The following NLGN1 variants were observed in gnomAD, a reference collection of about 807,000 sequenced individuals.
NLGN1 encodes neuroligin-1.
Under a neutral mutation model 65.5 loss-of-function variants are expected in NLGN1, and 12 were observed. The ratio of observed to expected loss-of-function variants is 0.18; its 90% CI spans 0.12 to 0.30. The LOEUF (loss-of-function observed/expected upper bound fraction) is 0.30. Ranked by LOEUF, NLGN1 falls within the 10% of genes least tolerant of loss-of-function variation. NLGN1 has a pLI of 1.00. For missense variants in NLGN1, 750 were observed against 1,007.1 expected (o/e 0.74, Z 3.46); for synonymous variants, 350 against 359.5 (o/e 0.97, Z 0.30).
intron 2 of NLGN1, among the ~76,000 whole-genome samples, chr3:173,503,596 G>A (rs1731522093): frequency 6.6e-6 from 1 of 151,928 alleles, no homozygotes; most frequent in Non-Finnish European, 1.5e-5. Context: ...TTAAAAGATT[G>A]TTGATAAATT....
At chr3:173,556,811 G>A (rs55749301) in intron 2 of NLGN1, among the ~76,000 whole-genome samples, 85,295 of 151,300 alleles carry the variant, frequency 0.56, 23,928 homozygotes, top group East Asian at 0.8. Context: ...CTCAAAAAAA[G>A]GAAAAATTGC....
rs73050430 is a variant in NLGN1 at position 173,744,297 on chromosome 3, T to A, written c.494-63383T>A. On this transcript the variant is annotated intron_variant, in intron 3 of 6. Transcript: ENST00000457714. ...TCAAAAAGTGTTTTTCTTCCCTTCC[T>A]TTTCTTCCTCTTCCTTTACACAACA... is the stretch of plus-strand genomic sequence containing the variant. Among the ~76,000 whole-genome samples the A allele has an allele frequency of 6.8e-3, 1,031 of 152,244 alleles. 9 individuals are homozygous for A. The highest frequency in any genetic ancestry group is 0.021 in the African/African-American group (878 of 41,556).
At chr3:173,790,851 C>T (rs1164834945) in intron 3 of NLGN1, among the ~76,000 whole-genome samples, 1 of 152,024 alleles carries the variant, frequency 6.6e-6, no homozygotes, top group Non-Finnish European at 1.5e-5. Flanking sequence ...GCATTGTCTC[C>T]TGAGATGCTG....
intron 4 of NLGN1, among the ~76,000 whole-genome samples, chr3:174,082,747 G>T (rs1298309492): frequency 6.6e-6 from 1 of 151,802 alleles, no homozygotes; most frequent in Non-Finnish European, 1.5e-5. Flanking sequence ...TGAAACAGAG[G>T]TTCATTCTTG....
At chr3:173,503,812 T>C (rs1731553495) in intron 2 of NLGN1, among the ~76,000 whole-genome samples, 1 of 152,090 alleles carries the variant, frequency 6.6e-6, no homozygotes. Flanking sequence ...GTAAATCTGA[T>C]ACTTGATGGT....
At chr3:173,602,922 A>G (rs1165166029) in intron 2 of NLGN1, among the ~76,000 whole-genome samples, 1 of 152,098 alleles carries the variant, frequency 6.6e-6, no homozygotes, top group Non-Finnish European at 1.5e-5. Context: ...TTGTATATTA[A>G]TGTGCTTTCA....
chr3:173,652,744 G>A (rs1182890436), intron 3 of NLGN1, among the ~76,000 whole-genome samples: 2 of 151,974 alleles, frequency 1.3e-5, no homozygotes, highest in Middle Eastern at 3.2e-3. Context: ...TTTTGGTTCC[G>A]TATACATTTT....
chr3:173,620,185 T>C (rs1753760183), intron 3 of NLGN1, among the ~76,000 whole-genome samples: 1 of 152,142 alleles, frequency 6.6e-6, no homozygotes, highest in Non-Finnish European at 1.5e-5. Context: ...CGATAGGGAA[T>C]AACTAGAAGT....
At chr3:173,414,099 G>A (rs558208862) in intron 1 of NLGN1, among the ~76,000 whole-genome samples, 1 of 152,214 alleles carries the variant, frequency 6.6e-6, no homozygotes, top group East Asian at 1.9e-4. Flanking sequence ...TGAACATATG[G>A]GAACAGGAGT....
At chr3:173,728,621 G>A (rs750338174) in intron 3 of NLGN1, among the ~76,000 whole-genome samples, 6 of 152,050 alleles carry the variant, frequency 3.9e-5, no homozygotes, top group Non-Finnish European at 7.4e-5. Flanking sequence ...CTTGATTAGA[G>A]TGGGCCCTAA....
At chr3:174,066,212 T>G (rs1738512588) in intron 4 of NLGN1, among the ~76,000 whole-genome samples, 1 of 152,112 alleles carries the variant, frequency 6.6e-6, no homozygotes, top group Admixed American at 6.6e-5. Context: ...CTAATACAAA[T>G]TTTCAGAGGA....
intron 4 of NLGN1, among the ~76,000 whole-genome samples, chr3:174,078,118 G>C (rs1158056410): frequency 6.6e-6 from 1 of 152,024 alleles, no homozygotes; most frequent in Non-Finnish European, 1.5e-5. Context: ...CATACTATAT[G>C]ATGTCTCTAT....
At chr3:173,487,198 C>G (rs1306835874) in intron 2 of NLGN1, among the ~76,000 whole-genome samples, 1 of 152,032 alleles carries the variant, frequency 6.6e-6, no homozygotes. Context: ...TCCCACAAAA[C>G]ATATATGGTG....
chr3:173,594,038 G>A (rs982533033), intron 2 of NLGN1, among the ~76,000 whole-genome samples: 1 of 152,172 alleles, frequency 6.6e-6, no homozygotes, highest in Non-Finnish European at 1.5e-5. Context: ...CAGGATGAGA[G>A]TTGGGTGGGG....
intron 4 of NLGN1, chr3:173,920,594 T>G (rs2152261184): frequency 6.6e-6 from 1 of 152,314 alleles, no homozygotes; most frequent in South Asian, 2.1e-4. Flanking sequence ...GTCATCAGAC[T>G]TGCTGTTAAC....
intron 4 of NLGN1, among the ~76,000 whole-genome samples, chr3:174,240,020 T>C (rs1220714291): frequency 6.6e-6 from 1 of 152,160 alleles, no homozygotes. Context: ...GAATGTATAC[T>C]ACATTAACTC....
chr3:174,084,727 G>A (rs924029861), intron 4 of NLGN1, among the ~76,000 whole-genome samples: 9 of 152,108 alleles, frequency 5.9e-5, no homozygotes, highest in Admixed American at 3.3e-4. Context: ...AATTCTTCCT[G>A]TAATCTTTGT....
chr3:173,689,676 G>A (rs1016012254), intron 3 of NLGN1, among the ~76,000 whole-genome samples: 6 of 152,074 alleles, frequency 3.9e-5, no homozygotes, highest in African/African-American at 1.4e-4. Flanking sequence ...ATTACAAGCT[G>A]AATTTTATCT....
chr3:173,438,265 G>A (rs1718512737), intron 2 of NLGN1, among the ~76,000 whole-genome samples: 1 of 151,882 alleles, frequency 6.6e-6, no homozygotes, highest in Non-Finnish European at 1.5e-5. Context: ...TATCCTAGAT[G>A]CATAAATGTT....
Sources: gnomAD v4.1 joint callset for allele counts (sites outside exome capture counted in the v4.1 genomes callset) on GRCh38, gnomAD v4.1.1 for gene constraint, MANE v1.5 for transcripts, NCBI Gene and HGNC (gene_info 2026-07-23, HGNC 2026-07-21) for gene names.